Variants in GPBP1 observed in about 807,000 individuals in gnomAD.
The protein encoded by GPBP1 is GC-rich promoter binding protein 1.
In GPBP1, 13 loss-of-function variants were observed where a neutral mutation model predicts 56.5. The ratio of observed to expected loss-of-function variants is 0.23; its 90% CI spans 0.15 to 0.37. The LOEUF (loss-of-function observed/expected upper bound fraction) is 0.37, where lower values mean the gene tolerates loss of function less well. Ranked by LOEUF, GPBP1 falls within the 10% of genes least tolerant of loss-of-function variation. The probability of loss-of-function intolerance (pLI) is 1.00; values close to 1 mark genes in which losing one functional copy is unlikely to be tolerated. For missense variants in GPBP1, 477 were observed against 572.3 expected, an observed-to-expected ratio of 0.83 and a Z score of 1.70; for synonymous variants, 204 against 188.9, an observed-to-expected ratio of 1.08 and a Z score of -0.66.
At chr5:57,248,098 T>A (rs1354182071) in intron 8 of GPBP1, among the ~76,000 whole-genome samples, 1 of 152,140 alleles carries the variant, frequency 6.6e-6, no homozygotes, top group Non-Finnish European at 1.5e-5. Context: ...AATTTGATAC[T>A]TGTGATAGTT....
chr5:57,195,109 T>G (rs1213414143), intron 2 of GPBP1, among the ~76,000 whole-genome samples: 1 of 152,164 alleles, frequency 6.6e-6, no homozygotes. Context: ...ATTTTCCATG[T>G]ATAAGATCAG....
intron 10 of GPBP1, among the ~76,000 whole-genome samples, chr5:57,252,563 G>C (rs576695516): frequency 6.6e-6 from 1 of 152,026 alleles, no homozygotes; most frequent in African/African-American, 2.4e-5. Context: ...GCTAATTTTT[G>C]TATTTTTTTG....
At chr5:57,205,239 C>T (rs1015358447) in intron 2 of GPBP1, among the ~76,000 whole-genome samples, 21 of 152,146 alleles carry the variant, frequency 1.4e-4, no homozygotes, top group Admixed American at 9.8e-4. Flanking sequence ...TTGTTTTTGA[C>T]GTTTATACTC....
chr5:57,205,773 A>AT (rs1755207333), intron 2 of GPBP1, among the ~76,000 whole-genome samples: 8 of 151,804 alleles, frequency 5.3e-5, no homozygotes, highest in Admixed American at 5.3e-4. Context: ...TTTTATTTAT[A>AT]TATTTTTTGA....
chr5:57,176,946 C>T (rs972213547), intron 2 of GPBP1, among the ~76,000 whole-genome samples: 1 of 152,124 alleles, frequency 6.6e-6, no homozygotes, highest in African/African-American at 2.4e-5. Flanking sequence ...TTGTTCCTAA[C>T]ATATTAATCC....
chr5:57,185,592 C>G (rs1455579741), intron 2 of GPBP1, among the ~76,000 whole-genome samples: 3 of 151,930 alleles, frequency 2.0e-5, no homozygotes, highest in Non-Finnish European at 4.4e-5. Flanking sequence ...AAATTTTAAC[C>G]CTTGTGTATA....
chr5:57,182,616 C>T (rs2111581201), intron 2 of GPBP1, among the ~76,000 whole-genome samples: 1 of 152,290 alleles, frequency 6.6e-6, no homozygotes, highest in Admixed American at 6.5e-5. Context: ...CGTGATCCAC[C>T]TGCCTCAGCC....
intron 10 of GPBP1, 101 bp downstream of exon 10, chr5:57,251,242 T>G (rs966632016): frequency 1.6e-5 from 16 of 996,574 alleles, no homozygotes; most frequent in Non-Finnish European, 2.2e-5. Flanking sequence ...GAATACAACT[T>G]ACGCCATAAA....
At position 57,237,852 on chromosome 5, in the gene GPBP1, A is replaced by T. The variant is rs187410322; in HGVS notation, c.478+1820A>T. On this transcript the variant is annotated intron_variant, in intron 6 of 11. Transcript: ENST00000506184. ...ACGAAAATATAATATTTATTAAAAAAAAAAAGCAATTTGTCCCTGAAACTA... is the reference window on the plus strand; with the variant it reads ...ACGAAAATATAATATTTATTAAAAATAAAAAGCAATTTGTCCCTGAAACTA... Among the ~76,000 whole-genome samples the T allele has an allele frequency of 1.6e-3, 242 of 152,302 alleles. 1 individual carries two copies. Among genetic ancestry groups the T allele is most frequent in the Non-Finnish European group, 2.0e-3 (133 of 68,026 alleles).
intron 6 of GPBP1, among the ~76,000 whole-genome samples, chr5:57,239,061 G>GA (rs1384653963): frequency 1.3e-5 from 2 of 152,232 alleles, no homozygotes; most frequent in Admixed American, 6.5e-5. Context: ...TAAGGGAAGG[G>GA]AAAATTCTTC....
intron 3 of GPBP1, among the ~76,000 whole-genome samples, chr5:57,229,262 A>AAAAAAAG: frequency 1.5e-5 from 2 of 135,812 alleles, no homozygotes; most frequent in African/African-American, 2.8e-5. Flanking sequence ...AAAAAAAAAA[A>AAAAAAAG]AAAAAGGAGT....
In GPBP1 at chr5:57,246,321, C is replaced by T. The variant is rs750050396; in HGVS notation, c.500C>T (p.Ser167Phe). 6.2e-7 allele frequency: 1 copy of T among 1,612,808 alleles called. No homozygotes were observed. The highest frequency in any genetic ancestry group is 1.1e-5 in the South Asian group (1 of 90,998). Residue 167 changes from serine to phenylalanine, a missense_variant, in exon 7 of 12, where the codon TCT (serine) becomes TTT (phenylalanine). Ser to Phe is a radical substitution (Grantham distance 155, BLOSUM62 -2). This residue lies in a region of GPBP1 where 414 missense variants were observed against 458.2 expected (regional missense o/e 0.90). Coordinates refer to ENST00000506184, the MANE Select transcript of GPBP1 (RefSeq NM_022913.4). The stretch of plus-strand genomic sequence containing the variant: ...GCAGAATATCCTCCGAATCCTAAAT[C>T]TAGAGCTCCAAGGATGCTGGTCATT... ...GVWEYPPNPK[S>F]RAPRMLVIKK...
At chr5:57,210,925 CTTTAAAG>C (rs774212575) in intron 2 of GPBP1, among the ~76,000 whole-genome samples, 9 of 152,132 alleles carry the variant, frequency 5.9e-5, no homozygotes, top group Non-Finnish European at 1.3e-4. Flanking sequence ...TTAATCACTT[CTTTAAAG>C]ACCTTATCTT....
At chr5:57,229,975 C>CCCGTCCCGTCCCGTCCCG (rs1554070454) in intron 3 of GPBP1, among the ~76,000 whole-genome samples, 3 of 150,674 alleles carry the variant, frequency 2.0e-5, no homozygotes, top group Admixed American at 6.6e-5. Flanking sequence ...CCCGTCCCTT[C>CCCGTCCCGTCCCGTCCCG]TCACATGCAA....
intron 11 of GPBP1, among the ~76,000 whole-genome samples, chr5:57,262,256 A>G (rs1248549436): frequency 1.3e-5 from 2 of 150,142 alleles, no homozygotes; most frequent in East Asian, 3.8e-4. Context: ...TTTACAAACT[A>G]TGAACAAAGC....
chr5:57,191,050 A>G (rs556763368), intron 2 of GPBP1, among the ~76,000 whole-genome samples: 2 of 151,810 alleles, frequency 1.3e-5, no homozygotes, highest in Admixed American at 6.6e-5. Flanking sequence ...TGCTGGGGTT[A>G]CAGGTGTGAG....
chr5:57,192,428 G>A (rs1754566160), intron 2 of GPBP1, among the ~76,000 whole-genome samples: 1 of 152,080 alleles, frequency 6.6e-6, no homozygotes, highest in African/African-American at 2.4e-5. Flanking sequence ...TGACACAGCA[G>A]TAGTGTAAGA....
intron 10 of GPBP1, among the ~76,000 whole-genome samples, chr5:57,256,832 G>A (rs144626474): frequency 6.6e-4 from 101 of 152,252 alleles, no homozygotes; most frequent in Non-Finnish European, 1.0e-3. Flanking sequence ...TTTCAAAGAC[G>A]TATATCAATA....
At chr5:57,178,635 A>G (rs190266203) in intron 2 of GPBP1, among the ~76,000 whole-genome samples, 180 of 152,340 alleles carry the variant, frequency 1.2e-3, no homozygotes, top group African/African-American at 3.9e-3. Context: ...AGTTTTTAGC[A>G]ATTAACTTTA....
Sources: gnomAD v4.1 joint callset for allele counts (sites outside exome capture counted in the v4.1 genomes callset) on GRCh38, gnomAD v4.1.1 for gene constraint, gnomAD v4.1.1 regional missense constraint, MANE v1.5 for transcripts, NCBI Gene and HGNC (gene_info 2026-07-23, HGNC 2026-07-21) for gene names.